EBF2: variants seen among roughly 807,000 people sequenced by gnomAD.
EBF2 encodes EBF transcription factor 2.
Under a neutral mutation model 72.8 loss-of-function variants are expected in EBF2, and 21 were observed. The ratio of observed to expected loss-of-function variants is 0.29; its 90% CI spans 0.20 to 0.42. EBF2 has a LOEUF of 0.42. Ranked by LOEUF, EBF2 falls within the 10% of genes least tolerant of loss-of-function variation. The pLI is 1.00. For missense variants in EBF2, 637 were observed against 731.2 expected (o/e 0.87, Z 1.49); for synonymous variants, 299 against 274.2 (o/e 1.09, Z -0.89).
At chr8:25,891,190 A>G (rs1802772886) in intron 7 of EBF2, among the ~76,000 whole-genome samples, 1 of 152,178 alleles carries the variant, frequency 6.6e-6, no homozygotes, top group South Asian at 2.1e-4. Flanking sequence ...GAGCTCCAGC[A>G]TATGTACTGC....
chr8:25,953,831 T>C (rs1463245877), intron 6 of EBF2, among the ~76,000 whole-genome samples: 3 of 152,176 alleles, frequency 2.0e-5, no homozygotes, highest in Non-Finnish European at 2.9e-5. Flanking sequence ...GACACTCAAA[T>C]CCTCCATCGT....
chr8:25,897,175 G>A (rs17054546), intron 7 of EBF2, among the ~76,000 whole-genome samples: 1 of 151,854 alleles, frequency 6.6e-6, no homozygotes, highest in Non-Finnish European at 1.5e-5. Context: ...AAGGGACTGG[G>A]CATCAATGGC....
At chr8:25,861,027 T>C in intron 13 of EBF2, 22 bp downstream of exon 13, 1 of 1,614,148 alleles carries the variant, frequency 6.2e-7, no homozygotes, top group South Asian at 1.1e-5. Flanking sequence ...TATTTGGATT[T>C]TGACTCTAAG....
At chr8:25,937,261 T>A (rs1376714748) in intron 6 of EBF2, among the ~76,000 whole-genome samples, 1 of 152,124 alleles carries the variant, frequency 6.6e-6, no homozygotes, top group African/African-American at 2.4e-5. Flanking sequence ...AAAATTACGA[T>A]CTCCAAGTTG....
At chr8:25,851,780 T>C (rs993658615) in intron 14 of EBF2, among the ~76,000 whole-genome samples, 3 of 152,190 alleles carry the variant, frequency 2.0e-5, no homozygotes, top group African/African-American at 7.2e-5. Context: ...ATGGACCACC[T>C]GTCCTTCAAA....
At chr8:25,993,857 A>G (rs1804582463) in intron 6 of EBF2, among the ~76,000 whole-genome samples, 2 of 152,192 alleles carry the variant, frequency 1.3e-5, no homozygotes, top group South Asian at 4.1e-4. Context: ...ATCTAGGTGT[A>G]CCCAAACTTT....
chr8:25,915,419 T>C (rs1466929855), intron 6 of EBF2, among the ~76,000 whole-genome samples: 1 of 151,912 alleles, frequency 6.6e-6, no homozygotes, highest in Non-Finnish European at 1.5e-5. Context: ...TGTTGCAAAA[T>C]AAAACAAGCA....
chr8:25,945,094 C>CG (rs959469684), intron 6 of EBF2, among the ~76,000 whole-genome samples: 47 of 140,862 alleles, frequency 3.3e-4, no homozygotes, highest in Non-Finnish European at 6.3e-4. Flanking sequence ...TGTTGCCCCC[C>CG]CCGCCCCACC....
chr8:25,975,242 G>A (rs1252792380), intron 6 of EBF2, among the ~76,000 whole-genome samples: 1 of 152,034 alleles, frequency 6.6e-6, no homozygotes. Context: ...TGAAAGAAAC[G>A]ATACATGTTT....
intron 8 of EBF2, among the ~76,000 whole-genome samples, chr8:25,888,344 A>G (rs1027888793): frequency 2.0e-5 from 3 of 152,234 alleles, no homozygotes; most frequent in African/African-American, 7.2e-5. Context: ...ACTTGCCATC[A>G]TTCCCTAACT....
At chr8:25,880,863 C>G (rs1319670062) in intron 10 of EBF2, among the ~76,000 whole-genome samples, 1 of 152,160 alleles carries the variant, frequency 6.6e-6, no homozygotes, top group Non-Finnish European at 1.5e-5. Context: ...TGTCCTTCCT[C>G]TGAACTCCCT....
rs1486284454 is a variant in EBF2 at position 25,908,465 on chromosome 8, G to A, written c.633+9C>T. 4 of 1,602,688 alleles carry A rather than the reference G, an allele frequency of 2.5e-6. No individual in the cohort carries two copies. The highest frequency in any genetic ancestry group is 3.4e-6 in the Non-Finnish European group (4 of 1,170,640). ...TTATTTAACAGGAAAGATCTGCAGG[G>A]CCCCTTACCTGAAACCGTCTCATGT... On this transcript the variant is annotated intron_variant, in intron 7 of 15. Coordinates refer to ENST00000520164, the MANE Select transcript of EBF2 (RefSeq NM_022659.4).
At chr8:25,915,008 G>A (rs879609796) in intron 6 of EBF2, among the ~76,000 whole-genome samples, 1 of 152,044 alleles carries the variant, frequency 6.6e-6, no homozygotes, top group African/African-American at 2.4e-5. Flanking sequence ...AATTCCTCTT[G>A]CCTAAAAGAC....
At chr8:25,878,759 G>T (rs1409861169) in intron 10 of EBF2, among the ~76,000 whole-genome samples, 1 of 152,174 alleles carries the variant, frequency 6.6e-6, no homozygotes, top group Non-Finnish European at 1.5e-5. Context: ...GAACAAGGAT[G>T]ATCCAGCCAT....
In EBF2 at chr8:25,861,112, T is replaced by C. The variant is rs769001449; in HGVS notation, c.1279A>G (p.Ile427Val). The C allele has an allele frequency of 6.2e-7, 1 of 1,614,194 alleles. No homozygotes were observed. Among genetic ancestry groups the C allele is most frequent in the South Asian group, 1.1e-5 (1 of 91,084 alleles). ...CCAAGCTGGCTGCCATAGGAGTTGA[T>C]TCCCATCATGCCACTGTGCGCTGGG... ...SSPAHSGMMG[I>V]NSYGSQLGVS... The change falls in exon 13 of 16, where the codon ATC becomes GTC. Residue 427 changes from isoleucine (I) to valine (V), a missense_variant. Physicochemically the swap from Ile to Val is conservative, Grantham distance 29. Around this residue, in one of 3 missense-constraint regions of EBF2, gnomAD observed 259 missense variants for 268.1 expected, o/e 0.97. Coordinates refer to ENST00000520164, the MANE Select transcript of EBF2 (RefSeq NM_022659.4).
intron 6 of EBF2, among the ~76,000 whole-genome samples, chr8:25,970,079 C>T (rs773210856): frequency 1.9e-4 from 29 of 152,200 alleles, no homozygotes; most frequent in Non-Finnish European, 2.9e-4. Flanking sequence ...AATGCAGTCT[C>T]TCTATGTCGT....
chr8:25,991,118 A>G (rs1047428986), intron 6 of EBF2, among the ~76,000 whole-genome samples: 1 of 152,044 alleles, frequency 6.6e-6, no homozygotes, highest in African/African-American at 2.4e-5. Flanking sequence ...AAAAAATAAA[A>G]AAAAAGGAGA....
intron 6 of EBF2, among the ~76,000 whole-genome samples, chr8:26,011,520 C>A (rs1378833311): frequency 6.6e-6 from 1 of 151,606 alleles, no homozygotes; most frequent in Non-Finnish European, 1.5e-5. Context: ...ATACTAATGA[C>A]CAGGTATTCC....
At chr8:25,993,491 A>T (rs925222379) in intron 6 of EBF2, among the ~76,000 whole-genome samples, 1 of 152,218 alleles carries the variant, frequency 6.6e-6, no homozygotes, top group African/African-American at 2.4e-5. Flanking sequence ...ACTGCTTTCC[A>T]TCTATACTGC....
Sources: allele counts gnomAD v4.1 joint callset (sites outside exome capture counted in the v4.1 genomes callset), GRCh38; gene constraint gnomAD v4.1.1; regional missense constraint gnomAD v4.1.1; transcripts MANE v1.5; gene names NCBI Gene and HGNC (gene_info 2026-07-23, HGNC 2026-07-21).